GARNL3: variants seen among roughly 807,000 people sequenced by gnomAD.
GARNL3 encodes the protein GTPase activating Rap/RanGAP domain like 3.
GARNL3 carries 63 observed loss-of-function variants against 125.0 expected under a neutral mutation model. That is an observed-to-expected ratio of 0.50 (90% CI 0.41 to 0.62). The LOEUF is 0.62. GARNL3 is among the 20% of genes least tolerant of loss of function. GARNL3 has a pLI of 0.00. For missense variants in GARNL3, 994 were observed against 1,244.0 expected (o/e 0.80, Z 3.02); for synonymous variants, 439 against 457.5 (o/e 0.96, Z 0.52).
intron 1 of GARNL3, among the ~76,000 whole-genome samples, chr9:127,287,301 T>C (rs566915314): frequency 1.7e-3 from 252 of 152,226 alleles, no homozygotes; most frequent in Non-Finnish European, 3.1e-3. Context: ...TTTAGATGGG[T>C]TCTGATAGAG....
Position 127,385,216 on chromosome 9 carries a change from C to A in GARNL3, c.2388+71C>A. The A allele has an allele frequency of 2.4e-6, 2 of 850,836 alleles. No individual in the cohort carries two copies. Among genetic ancestry groups the A allele is most frequent in the Non-Finnish European group, 3.7e-6 (2 of 546,840 alleles). 52.7% of individuals were successfully genotyped at this position (850,836 alleles called of 1,614,324 possible). A position where few individuals can be genotyped will look rare whatever the true frequency, so the allele number is the denominator to read the frequency against. On this transcript the variant is annotated intron_variant, in intron 24 of 27. Transcript: ENST00000373387. This position sits in a 1 kb window ranked among gnomAD's most constrained non-coding sequence, Gnocchi z 4.1. ...GGCACTGTGGGATTTCAGGTGAGCA[C>A]AGAAGCCGCCTCTTGTCAAGTTAGG... is the stretch of plus-strand genomic sequence containing the variant.
intron 26 of GARNL3, among the ~76,000 whole-genome samples, chr9:127,390,002 G>A (rs571183941): frequency 2.0e-5 from 3 of 149,960 alleles, no homozygotes; most frequent in Admixed American, 2.0e-4. Context: ...GAAAAGGTTA[G>A]ACTGTTAGAA....
At chr9:127,231,045 T>C (rs1206633800) in intron 1 of GARNL3, among the ~76,000 whole-genome samples, 12 of 48,430 alleles carry the variant, frequency 2.5e-4, no homozygotes, top group Non-Finnish European at 3.7e-4. Flanking sequence ...CATATATATA[T>C]ATATATTTTT....
intron 2 of GARNL3, among the ~76,000 whole-genome samples, chr9:127,308,119 T>C (rs2065005971): frequency 6.6e-6 from 1 of 152,232 alleles, no homozygotes; most frequent in Admixed American, 6.5e-5. Context: ...CAAAATCCAA[T>C]GATATGCTTT....
Position 127,385,134 on chromosome 9 carries a change from G to T in GARNL3, c.2377G>T (p.Val793Leu), listed in dbSNP as rs761510761. Residue 793 changes from valine to leucine, a missense_variant, in exon 24 of 28, where the codon GTG becomes TTG. Around this residue, in one of 5 missense-constraint regions of GARNL3, gnomAD observed 728 missense variants for 865.7 expected, o/e 0.84. Transcript: ENST00000373387. The surrounding 1 kb of genome is among the most constrained non-coding windows in gnomAD (Gnocchi z 4.1). ...HTAVVPQLQL[V>L]ASRSDIYFTA... is the part of the protein sequence containing the mutation. ...TGCAGTCGTGCCGCAGCTGCAGCTGGTGGCCTCCAGGGTGAGTAGGACTGG... is the reference window on the plus strand; with the variant it reads ...TGCAGTCGTGCCGCAGCTGCAGCTGTTGGCCTCCAGGGTGAGTAGGACTGG... The T allele has an allele frequency of 6.2e-7, 1 of 1,602,706 alleles. No homozygotes were observed. The highest frequency in any genetic ancestry group is 1.1e-5 in the South Asian group (1 of 89,524).
At chr9:127,291,638 G>A (rs1463127580) in intron 2 of GARNL3, among the ~76,000 whole-genome samples, 5 of 152,000 alleles carry the variant, frequency 3.3e-5, no homozygotes, top group South Asian at 2.1e-4. Context: ...CAGGAAAAGA[G>A]GCTGGTACTG....
At chr9:127,350,410 G>A (rs2131643613) in intron 17 of GARNL3, among the ~76,000 whole-genome samples, 1 of 152,268 alleles carries the variant, frequency 6.6e-6, no homozygotes, top group South Asian at 2.1e-4. Context: ...TTACATAGTG[G>A]TTGGCACATA....
Position 127,318,107 on chromosome 9 carries a change from T to C in GARNL3, c.483T>C (p.Leu161=). 1.2e-6 allele frequency: 2 copies of C among 1,607,690 alleles called. No individual in the cohort carries two copies. The highest frequency in any genetic ancestry group is 1.7e-5 in the Admixed American group (1 of 60,014). The change falls in exon 5 of 28, where the codon CTT becomes CTC. Residue 161 remains leucine, a synonymous_variant. Coordinates refer to ENST00000373387, the MANE Select transcript of GARNL3 (RefSeq NM_032293.5). ...TTCCCTACAGTCCCACAAAAACTCT[T>C]TCTGTGAAGTCCATCTTAAGGTGAG... The part of the protein sequence containing the change: ...ICLPYSPTKT[L]SVKSILSAMN...
chr9:127,225,679 A>G (rs1306359128), intron 1 of GARNL3, among the ~76,000 whole-genome samples: 2 of 151,910 alleles, frequency 1.3e-5, no homozygotes, highest in Non-Finnish European at 2.9e-5. Flanking sequence ...GCTGAGGAGA[A>G]TGTGCCCTGC....
At chr9:127,292,951 A>G (rs1319963760) in intron 2 of GARNL3, among the ~76,000 whole-genome samples, 2 of 152,224 alleles carry the variant, frequency 1.3e-5, no homozygotes, top group Non-Finnish European at 2.9e-5. Flanking sequence ...TTCACAAGTC[A>G]TTGCAGTCTG....
chr9:127,373,677 C>G (rs1431619623), intron 22 of GARNL3, among the ~76,000 whole-genome samples: 9 of 152,160 alleles, frequency 5.9e-5, no homozygotes, highest in Admixed American at 5.9e-4. Context: ...TCCATCACCC[C>G]CTTGGTGGAA....
intron 1 of GARNL3, among the ~76,000 whole-genome samples, chr9:127,232,828 G>C (rs553812998): frequency 1.3e-5 from 2 of 152,272 alleles, no homozygotes; most frequent in African/African-American, 4.8e-5. Flanking sequence ...TATGCTCAAG[G>C]CCTTTCCTCA....
intron 7 of GARNL3, among the ~76,000 whole-genome samples, chr9:127,326,910 T>C (rs1436939614): frequency 1.3e-5 from 2 of 152,194 alleles, no homozygotes; most frequent in African/African-American, 4.8e-5. Flanking sequence ...TGCCTTGATA[T>C]TGGACCTCCC....
intron 1 of GARNL3, among the ~76,000 whole-genome samples, chr9:127,228,125 T>G (rs2062945074): frequency 6.6e-6 from 1 of 152,256 alleles, no homozygotes; most frequent in South Asian, 2.1e-4. Context: ...CCACACATCC[T>G]TAAACATTTC....
At chr9:127,356,153 G>T (rs1336635844) in intron 20 of GARNL3, among the ~76,000 whole-genome samples, 2 of 152,230 alleles carry the variant, frequency 1.3e-5, no homozygotes, top group African/African-American at 2.4e-5. Flanking sequence ...AAGCAGAGAA[G>T]TGGCAGGTTT....
chr9:127,263,294 A>G (rs117853481), upstream of GARNL3, among the ~76,000 whole-genome samples: 8 of 152,214 alleles, frequency 5.3e-5, no homozygotes, highest in East Asian at 1.5e-3. Flanking sequence ...AGTGCTCTAC[A>G]TCCTTGCTTT....
chr9:127,267,879 T>C (rs2063737096), intron 1 of GARNL3, among the ~76,000 whole-genome samples: 1 of 152,218 alleles, frequency 6.6e-6, no homozygotes, highest in East Asian at 1.9e-4. Flanking sequence ...AAAATTGAAA[T>C]TTTAGCATGA....
At chr9:127,304,165 T>C (rs1320398496) in intron 2 of GARNL3, among the ~76,000 whole-genome samples, 2 of 152,250 alleles carry the variant, frequency 1.3e-5, no homozygotes, top group African/African-American at 4.8e-5. Context: ...TCCTGTTTCA[T>C]TGTCACCTTA....
chr9:127,348,403 T>C (rs1830254729), intron 16 of GARNL3, among the ~76,000 whole-genome samples: 4 of 152,260 alleles, frequency 2.6e-5, no homozygotes, highest in Admixed American at 2.0e-4. Flanking sequence ...TGTTATTTTT[T>C]CTTTAAGATT....
Sources: allele counts gnomAD v4.1 joint callset (sites outside exome capture counted in the v4.1 genomes callset), GRCh38; gene constraint gnomAD v4.1.1; regional missense constraint gnomAD v4.1.1; non-coding constraint Gnocchi (gnomAD v3.1); transcripts MANE v1.5; gene names NCBI Gene and HGNC (gene_info 2026-07-23, HGNC 2026-07-21).